TGFB2: variants seen among roughly 807,000 people sequenced by gnomAD.
TGFB2 encodes the protein transforming growth factor beta 2.
Under a neutral mutation model 42.7 loss-of-function variants are expected in TGFB2, and 13 were observed. That is an observed-to-expected ratio of 0.30 (90% CI 0.20 to 0.48). The LOEUF is 0.48. Among genes scored for constraint, TGFB2 ranks in the 20% least tolerant of loss-of-function variants. The probability of loss-of-function intolerance (pLI) is 0.99; values close to 1 mark genes in which losing one functional copy is unlikely to be tolerated. For missense variants in TGFB2, 390 were observed against 517.5 expected (o/e 0.75, Z 2.39); for synonymous variants, 193 against 193.6 (o/e 1.00, Z 0.03).
chr1:218,355,548 C>A (rs1657005260), intron 1 of TGFB2, among the ~76,000 whole-genome samples: 1 of 152,214 alleles, frequency 6.6e-6, no homozygotes, highest in Admixed American at 6.5e-5. Flanking sequence ...TAAGTTGCTT[C>A]CTACCGAATT....
In TGFB2 at chr1:218,365,664, A is replaced by ATTTTT. The variant is rs146829350; in HGVS notation, c.346+18628_346+18632dup. On this transcript the variant is annotated intron_variant, in intron 1 of 6. Coordinates refer to ENST00000366930, the MANE Select transcript of TGFB2 (RefSeq NM_003238.6). ...AGGCTGCTGAGCAGTGGGGCTCTGC[A>ATTTTT]TTTTTTTTTTTTTTTGTCTCTGTTC... 3.1e-3 allele frequency among the ~76,000 whole-genome samples: 442 copies of ATTTTT among 141,800 alleles called. 2 individuals are homozygous for ATTTTT. Among genetic ancestry groups the ATTTTT allele is most frequent in the African/African-American group, 0.01 (399 of 38,964 alleles). The allele number at this position is 141,800 out of a possible 152,430, so 93.0% of individuals were successfully genotyped here.
intron 2 of TGFB2, 94 bp from the exon 3 acceptor site, chr1:218,433,988 T>C (rs895113363): frequency 9.2e-6 from 14 of 1,518,312 alleles, no homozygotes; most frequent in Non-Finnish European, 1.3e-5. Context: ...GAGCTAAATT[T>C]AGGTAATGAA....
chr1:218,370,843 A>G (rs1657547673), intron 1 of TGFB2, among the ~76,000 whole-genome samples: 1 of 152,214 alleles, frequency 6.6e-6, no homozygotes, highest in Non-Finnish European at 1.5e-5. Flanking sequence ...AGCAGGTCAC[A>G]TGGCCACACA....
chr1:218,405,195 C>G lies in TGFB2; in HGVS notation c.373C>G (p.Pro125Ala). The change falls in exon 2 of 7, where the codon CCC (proline) becomes GCC (alanine). Residue 125 changes from proline (P) to alanine (A), a missense_variant. Transcript: ENST00000366930. Reference protein sequence around the residue: ...ENAIPPTFYRPYFRIVRFDVS... With the variant: ...ENAIPPTFYRAYFRIVRFDVS... ...TGCCATCCCGCCCACTTTCTACAGA[C>G]CCTACTTCAGAATTGTTCGATTTGA... 6.2e-7 allele frequency: 1 copy of G among 1,606,190 alleles called. No homozygotes were observed. Among genetic ancestry groups the G allele is most frequent in the Non-Finnish European group, 8.5e-7 (1 of 1,173,930 alleles).
At chr1:218,411,443 C>T (rs764553891) in intron 2 of TGFB2, among the ~76,000 whole-genome samples, 23 of 152,066 alleles carry the variant, frequency 1.5e-4, no homozygotes, top group South Asian at 1.0e-3. Flanking sequence ...ACTGGAAGGC[C>T]GGGCTCAGCT....
intron 2 of TGFB2, among the ~76,000 whole-genome samples, chr1:218,421,854 A>C (rs1659464951): frequency 6.6e-6 from 1 of 152,170 alleles, no homozygotes. Context: ...GTGAAGATGA[A>C]GGCAGAAATT....
chr1:218,370,490 C>T (rs1057136184), intron 1 of TGFB2, among the ~76,000 whole-genome samples: 1 of 152,212 alleles, frequency 6.6e-6, no homozygotes, highest in East Asian at 1.9e-4. Context: ...ATGGTTACAT[C>T]AAGTATTTGT....
chr1:218,435,633 A>T (rs1437731352), intron 4 of TGFB2, among the ~76,000 whole-genome samples: 1 of 152,210 alleles, frequency 6.6e-6, no homozygotes, highest in Non-Finnish European at 1.5e-5. Flanking sequence ...GCTTGAACGC[A>T]GCCTAAACTG....
In TGFB2 at chr1:218,441,799, T is replaced by C; in HGVS notation, c.*437T>C. On this transcript the variant is annotated 3_prime_UTR_variant, in exon 7 of 7. Transcript: ENST00000366930. ...TGTATTGCTATGCAATAGGCACCCT[T>C]CCCATTCTTACTCTTAGAGTTAACA... 6.4e-6 allele frequency: 1 copy of C among 155,962 alleles called. No homozygotes were observed. Among genetic ancestry groups the C allele is most frequent in the Non-Finnish European group, 1.4e-5 (1 of 70,598 alleles). The allele number at this position is 155,962 out of a possible 1,614,324, so 9.7% of individuals were successfully genotyped here. A position where few individuals can be genotyped will look rare whatever the true frequency, so the allele number is the denominator to read the frequency against.
chr1:218,403,489 A>G (rs891099512), intron 1 of TGFB2, among the ~76,000 whole-genome samples: 4 of 152,332 alleles, frequency 2.6e-5, no homozygotes, highest in Admixed American at 2.6e-4. Context: ...GGATTTCCCA[A>G]TAAATCACGG....
chr1:218,352,085 C>G (rs1326567596), intron 1 of TGFB2, among the ~76,000 whole-genome samples: 4 of 152,154 alleles, frequency 2.6e-5, no homozygotes, highest in African/African-American at 7.2e-5. Flanking sequence ...CTCTGGCCCA[C>G]TGCCACTCCA....
At chr1:218,351,375 C>T (rs1231737730) in intron 1 of TGFB2, among the ~76,000 whole-genome samples, 1 of 152,270 alleles carries the variant, frequency 6.6e-6, no homozygotes, top group East Asian at 1.9e-4. Context: ...TTCTTGACTT[C>T]CAGAATGATT....
intron 2 of TGFB2, among the ~76,000 whole-genome samples, chr1:218,418,827 C>T (rs1277211997): frequency 6.6e-6 from 1 of 152,206 alleles, no homozygotes; most frequent in Non-Finnish European, 1.5e-5. Flanking sequence ...AGCTCTCTCT[C>T]TTTGTCTGCT....
At chr1:218,381,941 G>A (rs1265878983) in intron 1 of TGFB2, among the ~76,000 whole-genome samples, 1 of 152,162 alleles carries the variant, frequency 6.6e-6, no homozygotes, top group Non-Finnish European at 1.5e-5. Flanking sequence ...AGTTGCCAGA[G>A]AAGCACATGT....
At chr1:218,350,141 G>A (rs1408421415) in intron 1 of TGFB2, among the ~76,000 whole-genome samples, 1 of 152,208 alleles carries the variant, frequency 6.6e-6, no homozygotes, top group Non-Finnish European at 1.5e-5. Flanking sequence ...TTATACACAG[G>A]AAGAATTCAA....
At position 218,374,129 on chromosome 1, in the gene TGFB2, A is replaced by T. The variant is rs115497216; in HGVS notation, c.346+27082A>T. 4.3e-3 allele frequency among the ~76,000 whole-genome samples: 659 copies of T among 152,328 alleles called. 4 individuals are homozygous for T. The highest frequency in any genetic ancestry group is 0.015 in the African/African-American group (607 of 41,574). ...TCCAGTGTTTTCATTTTGTTCCCTG[A>T]ATAGGACAACTGTTTTGTTGTTGCT... is the stretch of plus-strand genomic sequence containing the variant. On this transcript the variant is annotated intron_variant, in intron 1 of 6. Transcript: ENST00000366930.
At chr1:218,420,559 A>G (rs898028994) in intron 2 of TGFB2, among the ~76,000 whole-genome samples, 14 of 151,980 alleles carry the variant, frequency 9.2e-5, no homozygotes, top group African/African-American at 3.4e-4. Context: ...TTTTTTAATG[A>G]AGGAAACAAT....
intron 1 of TGFB2, among the ~76,000 whole-genome samples, chr1:218,353,633 A>G (rs978938434): frequency 3.9e-5 from 6 of 152,162 alleles, no homozygotes; most frequent in African/African-American, 1.4e-4. Flanking sequence ...GTGGTGGCCC[A>G]CGCCTATAAT....
chr1:218,412,507 T>C (rs893315929), intron 2 of TGFB2, among the ~76,000 whole-genome samples: 4 of 152,224 alleles, frequency 2.6e-5, no homozygotes, highest in African/African-American at 7.2e-5. Flanking sequence ...CGTGTTTCAG[T>C]GTGCGTACTC....
Sources: gnomAD v4.1 joint callset for allele counts (sites outside exome capture counted in the v4.1 genomes callset) on GRCh38, gnomAD v4.1.1 for gene constraint, MANE v1.5 for transcripts, NCBI Gene and HGNC (gene_info 2026-07-23, HGNC 2026-07-21) for gene names.